Variants in CAPN2 observed in about 807,000 individuals in gnomAD.
The protein encoded by CAPN2 is calpain-2 catalytic subunit.
CAPN2 carries 92 observed loss-of-function variants against 102.3 expected under a neutral mutation model. The observed-to-expected ratio is 0.90, with a 90% CI of 0.76 to 1.07. The LOEUF (loss-of-function observed/expected upper bound fraction) is 1.07, where lower values mean the gene tolerates loss of function less well. CAPN2 is among the 50% of genes least tolerant of loss of function. The pLI, the probability that CAPN2 is intolerant of heterozygous loss-of-function variation, is 0.00. For synonymous variants in CAPN2, 340 were observed against 355.4 expected (o/e 0.96, Z 0.49); for missense variants, 800 against 909.4 (o/e 0.88, Z 1.55).
intron 2 of CAPN2, among the ~76,000 whole-genome samples, chr1:223,720,664 CACCTGCATA>C (rs1241530716): frequency 6.6e-6 from 1 of 152,146 alleles, no homozygotes; most frequent in African/African-American, 2.4e-5. Flanking sequence ...CAGTACCCAT[CACCTGCATA>C]ACAGTATGCA....
intron 12 of CAPN2, among the ~76,000 whole-genome samples, chr1:223,760,314 TG>T (rs1661154520): frequency 6.6e-6 from 1 of 152,040 alleles, no homozygotes; most frequent in Admixed American, 6.5e-5. Flanking sequence ...TCTGAGGTGC[TG>T]GGCTTGGGTC....
chr1:223,744,152 C>G lies in CAPN2; in HGVS notation c.360C>G (p.Ile120Met). The G allele has an allele frequency of 6.2e-7, 1 of 1,614,182 alleles. No homozygotes were observed. Among genetic ancestry groups the G allele is most frequent in the Non-Finnish European group, 8.5e-7 (1 of 1,180,022 alleles). Residue 120 changes from isoleucine (I) to methionine (M), a missense_variant, in exon 3 of 21, where the codon ATC (isoleucine) becomes ATG (methionine). Transcript: ENST00000295006. ...AIASLTLNEEILARVVPLNQS... is the reference protein window; with the variant it reads ...AIASLTLNEEMLARVVPLNQS... Reference sequence around the variant, plus strand: ...CCTCCCTCACCTTGAATGAAGAAATCCTGGCTCGAGTCGTCCCCCTAAACC... The same window carrying G: ...CCTCCCTCACCTTGAATGAAGAAATGCTGGCTCGAGTCGTCCCCCTAAACC...
At chr1:223,712,443 G>A, upstream of CAPN2, 1 of 1,117,042 alleles carries the variant, frequency 9.0e-7, no homozygotes, top group Non-Finnish European at 1.1e-6. Context: ...CTGGTCCCGG[G>A]CCGGGAGCCC....
At chr1:223,761,643 C>G (rs1335482722) in intron 13 of CAPN2, 26 bp downstream of exon 13, 2 of 1,597,578 alleles carry the variant, frequency 1.3e-6, no homozygotes, top group Non-Finnish European at 1.7e-6. Context: ...TGAATTTCAC[C>G]CACTCTGTCC....
chr1:223,771,835 C>CAA lies in CAPN2; in HGVS notation c.1931_1932dup (p.Val645LysfsTer44). ...TTTCAAGATGCCCTGTCAACTCCAC[C>CAA]AAGTCATCGTTGCTCGGTTTGCAGA... On this transcript the variant is annotated frameshift_variant, in exon 19 of 21. Coordinates refer to ENST00000295006, the MANE Select transcript of CAPN2 (RefSeq NM_001748.5). LOFTEE classifies it high-confidence loss of function. 1.2e-6 allele frequency: 2 copies of CAA among 1,613,734 alleles called. No individual in the cohort carries two copies. The highest frequency in any genetic ancestry group is 1.7e-6 in the Non-Finnish European group (2 of 1,179,622).
upstream of CAPN2, among the ~76,000 whole-genome samples, chr1:223,710,106 C>T (rs1226792011): frequency 6.6e-6 from 1 of 152,076 alleles, no homozygotes; most frequent in Non-Finnish European, 1.5e-5. Flanking sequence ...GAAACCCCAT[C>T]TCTACAAAAA....
At chr1:223,745,282 C>T (rs774506323) in intron 3 of CAPN2, 24 bp from the exon 4 acceptor site, 15 of 1,613,830 alleles carry the variant, frequency 9.3e-6, no homozygotes, top group Non-Finnish European at 1.3e-5. Flanking sequence ...GCTCCTCCTG[C>T]AGCCCACCTC....
chr1:223,757,465 G>A (rs1461305760), intron 11 of CAPN2, 85 bp downstream of exon 11: 1 of 1,465,386 alleles, frequency 6.8e-7, no homozygotes, highest in Non-Finnish European at 9.6e-7. Context: ...GCGTCGTGAA[G>A]CCCGGGCAGG....
chr1:223,754,684 T>A lies in CAPN2; in HGVS notation c.1136-796T>A, dbSNP rs931582308. Among the ~76,000 whole-genome samples, 1 of 152,026 alleles carries A rather than the reference T, an allele frequency of 6.6e-6. No homozygotes were observed. The highest frequency in any genetic ancestry group is 2.4e-5 in the African/African-American group (1 of 41,370). On this transcript the variant is annotated intron_variant, in intron 9 of 20. Transcript: ENST00000295006. This position sits in a 1 kb window ranked among gnomAD's most constrained non-coding sequence, Gnocchi z 4.7. ...ATCTTAGATTTTTTAAATAAATAGG[T>A]TTTGGAAGTAAAGAGGGCAGAGACA... is the stretch of plus-strand genomic sequence containing the variant.
chr1:223,746,475 C>CTTGTTTTTTTTT (rs1660750980), intron 4 of CAPN2, among the ~76,000 whole-genome samples: 1 of 108,496 alleles, frequency 9.2e-6, no homozygotes, highest in Non-Finnish European at 1.7e-5. Context: ...CTACGAGAAT[C>CTTGTTTTTTTTT]TTTTTTTTTT....
In CAPN2 at chr1:223,718,548, G is replaced by A. The variant is rs538805390; in HGVS notation, c.307+717G>A. On this transcript the variant is annotated intron_variant, in intron 2 of 20. Coordinates refer to ENST00000295006, the MANE Select transcript of CAPN2 (RefSeq NM_001748.5). ...GGAAGTCCCAGCAATGGGGCCTGGC[G>A]CTGTTATCTAAGATTCTCATAGAAT... Among the ~76,000 whole-genome samples, 7 of 152,314 alleles carry A rather than the reference G, an allele frequency of 4.6e-5. No homozygotes were observed. In the South Asian group the frequency reaches 6.2e-4, roughly 14 times the overall value.
chr1:223,755,718 A>G lies in CAPN2; in HGVS notation c.1305+69A>G. 1.4e-6 allele frequency: 2 copies of G among 1,418,152 alleles called. No individual in the cohort carries two copies. The highest frequency in any genetic ancestry group is 1.5e-5 in the South Asian group (1 of 68,942). The allele number at this position is 1,418,152 out of a possible 1,614,324, so 87.8% of individuals were successfully genotyped here. ...ATCTCAGCCCCTGCATGGAAAGCTG[A>G]CCCCAGAGGCAGAACTGGGGATGGG... On this transcript the variant is annotated intron_variant, in intron 10 of 20. Transcript: ENST00000295006. This position sits in a 1 kb window ranked among gnomAD's most constrained non-coding sequence, Gnocchi z 4.1.
At chr1:223,753,966 T>C (rs965927770) in intron 9 of CAPN2, among the ~76,000 whole-genome samples, 2 of 152,200 alleles carry the variant, frequency 1.3e-5, no homozygotes, top group Non-Finnish European at 2.9e-5. Context: ...ATATTCAGCC[T>C]GCATAACATT....
At chr1:223,704,823 A>G (rs1223821701) in intron 1 of CAPN2, among the ~76,000 whole-genome samples, 2 of 152,244 alleles carry the variant, frequency 1.3e-5, no homozygotes, top group Non-Finnish European at 2.9e-5. Flanking sequence ...GGGAAAACAC[A>G]GAAACACATC....
chr1:223,751,713 C>T (rs1431637777), intron 7 of CAPN2, among the ~76,000 whole-genome samples: 1 of 152,258 alleles, frequency 6.6e-6, no homozygotes, highest in Non-Finnish European at 1.5e-5. Context: ...CTCCATCTCC[C>T]TCTAATGAAC....
chr1:223,737,714 TGGGGGG>T (rs1310191822), intron 2 of CAPN2, among the ~76,000 whole-genome samples: 438 of 16,960 alleles, frequency 0.026, 75 homozygotes, highest in African/African-American at 0.06. Context: ...GGGCGGGGGG[TGGGGGG>T]GAGAGAATAC....
At chr1:223,735,274 T>A (rs1660424621) in intron 2 of CAPN2, among the ~76,000 whole-genome samples, 1 of 152,128 alleles carries the variant, frequency 6.6e-6, no homozygotes, top group Non-Finnish European at 1.5e-5. Context: ...ATGCATGTAA[T>A]CCCAGCTCTT....
chr1:223,712,690 G>C lies in CAPN2; in HGVS notation c.50G>C (p.Gly17Ala), dbSNP rs1373192324. ...GCGAAGGACCGGGAGGCGGCCGAGGGGCTGGGCTCCCACGACAGGGCCATC... is the reference window on the plus strand; with the variant it reads ...GCGAAGGACCGGGAGGCGGCCGAGGCGCTGGGCTCCCACGACAGGGCCATC... ...KLAKDREAAE[G>A]LGSHDRAIKY... is the part of the protein sequence containing the mutation. The change falls in exon 1 of 21, where the codon GGG (glycine) becomes GCG (alanine). Residue 17 changes from glycine to alanine, a missense_variant. Gly to Ala is a moderately conservative substitution (Grantham distance 60). Transcript: ENST00000295006. 6.4e-7 allele frequency: 1 copy of C among 1,568,558 alleles called. No homozygotes were observed. The highest frequency in any genetic ancestry group is 1.4e-5 in the African/African-American group (1 of 72,516).
At position 223,758,877 on chromosome 1, in the gene CAPN2, G is replaced by A. The variant is rs1661109880; in HGVS notation, c.1318-393G>A. 11 of 253,734 alleles carry A rather than the reference G, an allele frequency of 4.3e-5. No homozygotes were observed. The South Asian group carries it at 4.4e-4, about 10-fold the overall frequency. The allele number at this position is 253,734 out of a possible 1,614,324, so 15.7% of individuals were successfully genotyped here. A position where few individuals can be genotyped will look rare whatever the true frequency, so the allele number is the denominator to read the frequency against. Reference sequence around the variant, plus strand: ...CTGGCTAATATTTTTATTTTTTGCAGAGACAGGGGTCTCACTACATTGCCC... The same window carrying A: ...CTGGCTAATATTTTTATTTTTTGCAAAGACAGGGGTCTCACTACATTGCCC... On this transcript the variant is annotated intron_variant, in intron 11 of 20. Transcript: ENST00000295006.
Sources: gnomAD v4.1 joint callset for allele counts (sites outside exome capture counted in the v4.1 genomes callset) on GRCh38, gnomAD v4.1.1 for gene constraint, Gnocchi (gnomAD v3.1) non-coding constraint, MANE v1.5 for transcripts, NCBI Gene and HGNC (gene_info 2026-07-23, HGNC 2026-07-21) for gene names.